Variants in MKRN3 observed in about 807,000 individuals in gnomAD.
MKRN3 encodes the protein makorin ring finger protein 3, also known as E3 ubiquitin-protein ligase makorin-3.
For missense variants in MKRN3, 749 were observed against 667.0 expected, an observed-to-expected ratio of 1.12 and a Z score of -1.35; for synonymous variants, 301 against 250.2, an observed-to-expected ratio of 1.20 and a Z score of -1.91.
rs932620182 is a variant in MKRN3, at chr15:23,567,769, A to G, written c.*463A>G. On this transcript the variant is annotated 3_prime_UTR_variant, in exon 1 of 1. Coordinates refer to ENST00000314520, the MANE Select transcript of MKRN3 (RefSeq NM_005664.4). ...TTGTTCTTTCCCTCCTTCCCCTTCA[A>G]GTGCACTTGTTAAACTGTGATGAAC... The G allele has an allele frequency of 2.0e-6, 2 of 1,003,916 alleles. No individual in the cohort carries two copies. The highest frequency in any genetic ancestry group is 2.4e-6 in the Non-Finnish European group (2 of 832,512). The allele number at this position is 1,003,916 out of a possible 1,614,324, so 62.2% of individuals were successfully genotyped here.
At position 23,567,490 on chromosome 15, in the gene MKRN3, T is replaced by TAAG; in HGVS notation, c.*186_*187insGAA. On this transcript the variant is annotated 3_prime_UTR_variant, in exon 1 of 1. Coordinates refer to ENST00000314520, the MANE Select transcript of MKRN3 (RefSeq NM_005664.4). ...TTATCTGTGTTAAAAAATAAGTCCT[T>TAAG]AAAGTTACTGTTTTGGTGAAATTAA... The TAAG allele has an allele frequency of 7.0e-7, 1 of 1,432,088 alleles. No individual in the cohort carries two copies. The highest frequency in any genetic ancestry group is 9.2e-7 in the Non-Finnish European group (1 of 1,091,890). 88.7% of individuals were successfully genotyped at this position (1,432,088 alleles called of 1,614,324 possible).
At position 23,566,815 on chromosome 15, in the gene MKRN3, C is replaced by T. The variant is rs373441581; in HGVS notation, c.1033C>T (p.Arg345Cys). ...CNHSFCIRCI[R>C]RWRSARQFEN... ...CCATTCCTTCTGTATTAGGTGTATC[C>T]GCAGGTGGAGAAGTGCCAGACAGTT... Residue 345 changes from arginine to cysteine, a missense_variant, in exon 1 of 1, where the codon CGC becomes TGC. Transcript: ENST00000314520. 16 of 1,614,142 alleles carry T rather than the reference C, an allele frequency of 9.9e-6. No homozygotes were observed. The highest frequency in any genetic ancestry group is 1.7e-4 in the Middle Eastern group (1 of 6,060).
At position 23,567,252 on chromosome 15, in the gene MKRN3, C is replaced by A. The variant is rs746365868; in HGVS notation, c.1470C>A (p.Asp490Glu). 1 of 1,614,060 alleles carries A rather than the reference C, an allele frequency of 6.2e-7. No individual in the cohort carries two copies. Among genetic ancestry groups the A allele is most frequent in the South Asian group, 1.1e-5 (1 of 91,084 alleles). The change falls in exon 1 of 1, where the codon GAC becomes GAA. Residue 490 changes from aspartate to glutamate, a missense_variant. Coordinates refer to ENST00000314520, the MANE Select transcript of MKRN3 (RefSeq NM_005664.4). Reference protein sequence around the residue: ...SLRDELPFSEDQWDLLHYELE... With the variant: ...SLRDELPFSEEQWDLLHYELE... ...GAGATGAGTTACCCTTCTCTGAGGA[C>A]CAGTGGGACTTGCTTCATTATGAGC...
rs1372316204 is a variant in MKRN3 at position 23,566,011 on chromosome 15, G to A, written c.229G>A (p.Ala77Thr). Residue 77 changes from alanine (A) to threonine (T), a missense_variant, in exon 1 of 1, where the codon GCC becomes ACC. Physicochemically the swap from Ala to Thr is moderately conservative, Grantham distance 58 (BLOSUM62 0). Coordinates refer to ENST00000314520, the MANE Select transcript of MKRN3 (RefSeq NM_005664.4). ...CAGAGGAGGCCTGAGGCCTGCCCCA[G>A]CCTCAGGAGGAGGAGCCTGGCCCAG... ...LRRGGLRPAP[A>T]SGGGAWPSPL... 6.2e-7 allele frequency: 1 copy of A among 1,613,804 alleles called. No homozygotes were observed. Among genetic ancestry groups the A allele is most frequent in the Admixed American group, 1.7e-5 (1 of 60,012 alleles).
In MKRN3 at chr15:23,567,656, T is replaced by C; in HGVS notation, c.*350T>C. 7.4e-6 allele frequency: 8 copies of C among 1,088,036 alleles called. No individual in the cohort carries two copies. Among genetic ancestry groups the C allele is most frequent in the Non-Finnish European group, 9.0e-6 (8 of 885,542 alleles). The allele number at this position is 1,088,036 out of a possible 1,614,324, so 67.4% of individuals were successfully genotyped here. On this transcript the variant is annotated 3_prime_UTR_variant, in exon 1 of 1. Coordinates refer to ENST00000314520, the MANE Select transcript of MKRN3 (RefSeq NM_005664.4). ...ATGTGGCAGAGTGAAAGGAGAAGTT[T>C]TAATTGAACTAGTAGCTTTGTGCTA...
chr15:23,567,950 A>AC lies in MKRN3; in HGVS notation c.*644_*645insC, dbSNP rs1889141087. 1.4e-6 allele frequency: 1 copy of AC among 710,220 alleles called. No individual in the cohort carries two copies. The highest frequency in any genetic ancestry group is 6.3e-5 in the Admixed American group (1 of 15,770). 44.0% of individuals were successfully genotyped at this position (710,220 alleles called of 1,614,324 possible). On this transcript the variant is annotated 3_prime_UTR_variant, in exon 1 of 1. Transcript: ENST00000314520. ...TGTATAAGAGTTATGTATTTGAAAA[A>AC]AATATATAAAAGAATATACATCACA... is the stretch of plus-strand genomic sequence containing the variant.
rs1889107342 is a variant in MKRN3, at chr15:23,566,806, A to G, written c.1024A>G (p.Arg342Gly). ...CAATTGCAACCATTCCTTCTGTATT[A>G]GGTGTATCCGCAGGTGGAGAAGTGC... ...LSNCNHSFCI[R>G]CIRRWRSARQ... The change falls in exon 1 of 1, where the codon AGG becomes GGG. Residue 342 changes from arginine to glycine, a missense_variant. Arg to Gly is a moderately radical substitution (Grantham distance 125). Transcript: ENST00000314520. 5.6e-6 allele frequency: 9 copies of G among 1,614,226 alleles called. No homozygotes were observed. Among genetic ancestry groups the G allele is most frequent in the Non-Finnish European group, 7.6e-6 (9 of 1,180,048 alleles).
Position 23,566,283 on chromosome 15 carries a change from C to G in MKRN3, c.501C>G (p.Ser167=). 2 of 1,614,116 alleles carry G rather than the reference C, an allele frequency of 1.2e-6. No homozygotes were observed. Among genetic ancestry groups the G allele is most frequent in the South Asian group, 1.1e-5 (1 of 91,086 alleles). The part of the protein sequence containing the change: ...AEAPPAASSL[S]LPVIGSAAER... ...CCCCCCCGGCTGCATCCTCCCTTTC[C>G]TTGCCTGTGATTGGCTCGGCTGCTG... Residue 167 remains serine, a synonymous_variant, in exon 1 of 1, where the codon TCC becomes TCG. Coordinates refer to ENST00000314520, the MANE Select transcript of MKRN3 (RefSeq NM_005664.4).
rs535543560 is a variant in MKRN3, at chr15:23,566,853, C to T, written c.1071C>T (p.Ile357=). ...GTGCCAGACAGTTTGAGAACAGGATCGTCAAGTCTTGCCCACAGTGCAGGG... is the reference window on the plus strand; with the variant it reads ...GTGCCAGACAGTTTGAGAACAGGATTGTCAAGTCTTGCCCACAGTGCAGGG... The part of the protein sequence containing the change: ...WRSARQFENR[I]VKSCPQCRVT... Residue 357 remains isoleucine, a synonymous_variant, in exon 1 of 1, where the codon ATC becomes ATT. Coordinates refer to ENST00000314520, the MANE Select transcript of MKRN3 (RefSeq NM_005664.4). The T allele has an allele frequency of 4.0e-5, 65 of 1,614,154 alleles. No homozygotes were observed. The Middle Eastern group carries it at 4.9e-4, about 12-fold the overall frequency.
Position 23,566,977 on chromosome 15 carries a change from G to C in MKRN3, c.1195G>C (p.Ala399Pro). ...ATACAAGGAGGCAATGAGCAACAAG[G>C]CCTGCAGGTATTTTGCGGAAGGCAG... is the stretch of plus-strand genomic sequence containing the variant. ...QQYKEAMSNK[A>P]CRYFAEGRGN... is the part of the protein sequence containing the mutation. The change falls in exon 1 of 1, where the codon GCC becomes CCC. Residue 399 changes from alanine (A) to proline (P), a missense_variant. By Grantham distance (27) the Ala-to-Pro change is conservative (BLOSUM62 -1). Transcript: ENST00000314520. 6.2e-7 allele frequency: 1 copy of C among 1,614,216 alleles called. No individual in the cohort carries two copies. The highest frequency in any genetic ancestry group is 8.5e-7 in the Non-Finnish European group (1 of 1,180,046).
In MKRN3 at chr15:23,566,040, G is replaced by A. The variant is rs992964077; in HGVS notation, c.258G>A (p.Pro86=). 9.3e-6 allele frequency: 15 copies of A among 1,614,046 alleles called. No individual in the cohort carries two copies. The highest frequency in any genetic ancestry group is 1.3e-5 in the African/African-American group (1 of 75,078). The change falls in exon 1 of 1, where the codon CCG becomes CCA. Residue 86 remains proline (P), a synonymous_variant. Transcript: ENST00000314520. ...PASGGGAWPS[P]LPSRSSGIWT... is the part of the protein sequence containing the mutation. ...CAGGAGGAGGAGCCTGGCCCAGTCC[G>A]TTGCCAAGCCGAAGCAGCGGCATTT...
At position 23,566,584 on chromosome 15, in the gene MKRN3, A is replaced by G; in HGVS notation, c.802A>G (p.Met268Val). ...CMYLHGDICD[M>V]CGLQTLHPMD... ...GTACCTCCATGGAGACATATGCGAC[A>G]TGTGTGGGCTGCAGACCTTGCACCC... The change falls in exon 1 of 1, where the codon ATG becomes GTG. Residue 268 changes from methionine (M) to valine (V), a missense_variant. Met to Val is a conservative substitution (Grantham distance 21). Transcript: ENST00000314520. 1 of 1,614,146 alleles carries G rather than the reference A, an allele frequency of 6.2e-7. No individual in the cohort carries two copies. The highest frequency in any genetic ancestry group is 8.5e-7 in the Non-Finnish European group (1 of 1,180,024).
chr15:23,567,639 G>A lies in MKRN3; in HGVS notation c.*333G>A, dbSNP rs978327562. The A allele has an allele frequency of 2.7e-6, 3 of 1,102,452 alleles. No individual in the cohort carries two copies. The highest frequency in any genetic ancestry group is 3.4e-6 in the Non-Finnish European group (3 of 895,190). The allele number at this position is 1,102,452 out of a possible 1,614,324, so 68.3% of individuals were successfully genotyped here. A position where few individuals can be genotyped will look rare whatever the true frequency, so the allele number is the denominator to read the frequency against. On this transcript the variant is annotated 3_prime_UTR_variant, in exon 1 of 1. Coordinates refer to ENST00000314520, the MANE Select transcript of MKRN3 (RefSeq NM_005664.4). ...AAGACCCTCAAGAGTAAATGTGGCA[G>A]AGTGAAAGGAGAAGTTTTAATTGAA...
rs780639399 is a variant in MKRN3, at chr15:23,566,939, A to G, written c.1157A>G (p.Lys386Arg). The change falls in exon 1 of 1, where the codon AAA (lysine) becomes AGA (arginine). Residue 386 changes from lysine to arginine, a missense_variant. Physicochemically the swap from Lys to Arg is conservative, Grantham distance 26. Transcript: ENST00000314520. ...GTGGAGGAGGAGGAAGAGAAGCAGA[A>G]ACTTATTCAGCAATACAAGGAGGCA... is the stretch of plus-strand genomic sequence containing the variant. Reference protein sequence around the residue: ...FWVEEEEEKQKLIQQYKEAMS... With the variant: ...FWVEEEEEKQRLIQQYKEAMS... 1 of 1,614,110 alleles carries G rather than the reference A, an allele frequency of 6.2e-7. No homozygotes were observed. Among genetic ancestry groups the G allele is most frequent in the African/African-American group, 1.3e-5 (1 of 74,940 alleles).
rs1265281980 is a variant in MKRN3 at position 23,565,772 on chromosome 15, C to A, written c.-11C>A. 1 of 1,574,590 alleles carries A rather than the reference C, an allele frequency of 6.4e-7. No homozygotes were observed. Among genetic ancestry groups the A allele is most frequent in the African/African-American group, 1.4e-5 (1 of 73,814 alleles). On this transcript the variant is annotated 5_prime_UTR_variant, in exon 1 of 1. Transcript: ENST00000314520. Reference sequence around the variant, plus strand: ...GAGGTTCTGGCACCATTTCGGGGTGCCAAAGCAGCCATGGAAGAGCCTGCA... The same window carrying A: ...GAGGTTCTGGCACCATTTCGGGGTGACAAAGCAGCCATGGAAGAGCCTGCA...
Position 23,566,376 on chromosome 15 carries a change from A to G in MKRN3, c.594A>G (p.Glu198=), listed in dbSNP as rs150532529. 1 of 1,613,560 alleles carries G rather than the reference A, an allele frequency of 6.2e-7. No homozygotes were observed. Among genetic ancestry groups the G allele is most frequent in the Non-Finnish European group, 8.5e-7 (1 of 1,179,756 alleles). ...DRGAAGGAGV[E]SWADAIEFVP... ...GAGCTGCTGGAGGAGCAGGTGTAGAAAGCTGGGCGGATGCCATTGAGTTTG... is the reference window on the plus strand; with the variant it reads ...GAGCTGCTGGAGGAGCAGGTGTAGAGAGCTGGGCGGATGCCATTGAGTTTG... Residue 198 remains glutamate, a synonymous_variant, in exon 1 of 1, where the codon GAA becomes GAG. Transcript: ENST00000314520.
At position 23,567,624 on chromosome 15, in the gene MKRN3, AG is replaced by A; in HGVS notation, c.*319del. ...TCCACACTTATTTTGAAGACCCTCAAGAGTAAATGTGGCAGAGTGAAAGGAG... is the reference window on the plus strand; with the variant it reads ...TCCACACTTATTTTGAAGACCCTCAAAGTAAATGTGGCAGAGTGAAAGGAG... On this transcript the variant is annotated 3_prime_UTR_variant, in exon 1 of 1. Transcript: ENST00000314520. 1 of 1,137,484 alleles carries A rather than the reference AG, an allele frequency of 8.8e-7. No individual in the cohort carries two copies. Among genetic ancestry groups the A allele is most frequent in the Admixed American group, 4.6e-5 (1 of 21,560 alleles). 70.5% of individuals were successfully genotyped at this position (1,137,484 alleles called of 1,614,324 possible).
Position 23,567,413 on chromosome 15 carries a change from G to A in MKRN3, c.*107G>A. 1.3e-6 allele frequency: 2 copies of A among 1,520,350 alleles called. No homozygotes were observed. Among genetic ancestry groups the A allele is most frequent in the Non-Finnish European group, 1.8e-6 (2 of 1,135,756 alleles). The allele number at this position is 1,520,350 out of a possible 1,614,324, so 94.2% of individuals were successfully genotyped here. A position where few individuals can be genotyped will look rare whatever the true frequency, so the allele number is the denominator to read the frequency against. ...TGCTTTCAGGGGCTGTTGAGGCAGT[G>A]CTTCTGTTTTCTTGTCTATTCTGCA... On this transcript the variant is annotated 3_prime_UTR_variant, in exon 1 of 1. Transcript: ENST00000314520.
chr15:23,567,907 T>C lies in MKRN3; in HGVS notation c.*601T>C, dbSNP rs1357881140. ...TTTGGAAATATATATTTAAGAATTA[T>C]ATATATAAAAATATATATGTATAAG... On this transcript the variant is annotated 3_prime_UTR_variant, in exon 1 of 1. Transcript: ENST00000314520. 1.3e-6 allele frequency: 1 copy of C among 789,336 alleles called. No homozygotes were observed. Among genetic ancestry groups the C allele is most frequent in the Non-Finnish European group, 1.6e-6 (1 of 640,046 alleles). 48.9% of individuals were successfully genotyped at this position (789,336 alleles called of 1,614,324 possible).
Sources: allele counts gnomAD v4.1 joint callset, GRCh38; gene constraint gnomAD v4.1.1; transcripts MANE v1.5; gene names NCBI Gene and HGNC (gene_info 2026-07-23, HGNC 2026-07-21).